SPAG17: variants seen among roughly 807,000 people sequenced by gnomAD.
SPAG17 encodes sperm associated antigen 17.
In SPAG17, 169 loss-of-function variants were observed where a neutral mutation model predicts 273.6. The observed-to-expected ratio is 0.62, with a 90% CI of 0.55 to 0.70. The LOEUF (loss-of-function observed/expected upper bound fraction) is 0.70, where lower values mean the gene tolerates loss of function less well. SPAG17 is among the 30% of genes least tolerant of loss of function. SPAG17 has a pLI of 0.00. For synonymous variants in SPAG17, 825 were observed against 873.2 expected, an observed-to-expected ratio of 0.94 and a Z score of 0.97; for missense variants, 2,557 against 2,627.8, an observed-to-expected ratio of 0.97 and a Z score of 0.59.
At chr1:118,061,394 G>A (rs1418019776) in intron 18 of SPAG17, among the ~76,000 whole-genome samples, 2 of 152,178 alleles carry the variant, frequency 1.3e-5, no homozygotes, top group East Asian at 1.9e-4. Flanking sequence ...TTTGTGACAT[G>A]TATAAACCTA....
At chr1:118,088,680 TA>T (rs201906522) in intron 10 of SPAG17, among the ~76,000 whole-genome samples, 3 of 150,744 alleles carry the variant, frequency 2.0e-5, no homozygotes, top group East Asian at 1.9e-4. Flanking sequence ...TAGGCAATTG[TA>T]AAAAAAAAGT....
chr1:118,028,123 C>T, intron 26 of SPAG17, 151 bp downstream of exon 26: 1 of 850,350 alleles, frequency 1.2e-6, no homozygotes, highest in Non-Finnish European at 1.8e-6. Flanking sequence ...TTAGACAGTG[C>T]CTGGCCATAG....
intron 13 of SPAG17, among the ~76,000 whole-genome samples, chr1:118,081,946 G>T (rs1231543044): frequency 6.6e-6 from 1 of 152,186 alleles, no homozygotes; most frequent in African/African-American, 2.4e-5. Context: ...GTACCATATT[G>T]GTTGAATATG....
At chr1:118,181,271 A>T (rs1407669532) in intron 1 of SPAG17, among the ~76,000 whole-genome samples, 1 of 152,122 alleles carries the variant, frequency 6.6e-6, no homozygotes, top group Admixed American at 6.5e-5. Context: ...TAGCAAAAGT[A>T]AGTCTTTTCA....
chr1:117,987,717 T>C, intron 40 of SPAG17, 117 bp downstream of exon 40: 1 of 984,498 alleles, frequency 1.0e-6, no homozygotes, highest in Non-Finnish European at 1.6e-6. Context: ...GTAGACATGT[T>C]GCAGAAGAGA....
rs778253377 is a variant in SPAG17 at position 118,073,840 on chromosome 1, C to G, written c.2385+14G>C. On this transcript the variant is annotated intron_variant, in intron 17 of 48. Coordinates refer to ENST00000336338, the MANE Select transcript of SPAG17 (RefSeq NM_206996.4). ...TATCTGACCGTCTCCTAGAGAATCA[C>G]AGTCCATAAATACCTGAAGCAGTAC... The G allele has an allele frequency of 1.3e-6, 2 of 1,548,996 alleles. No individual in the cohort carries two copies. Among genetic ancestry groups the G allele is most frequent in the South Asian group, 1.2e-5 (1 of 83,458 alleles).
intron 45 of SPAG17, 58 bp downstream of exon 45, chr1:117,971,805 G>T: frequency 6.8e-7 from 1 of 1,460,596 alleles, no homozygotes; most frequent in Non-Finnish European, 9.3e-7. Flanking sequence ...GGTGACCAAA[G>T]ACAAGTCACA....
chr1:118,098,951 A>G (rs774325802), intron 6 of SPAG17, among the ~76,000 whole-genome samples: 22 of 152,328 alleles, frequency 1.4e-4, no homozygotes, highest in South Asian at 6.2e-4. Context: ...GCAACAGCAT[A>G]TGGCAGAAAA....
chr1:118,020,750 G>A (rs142977797), intron 28 of SPAG17, among the ~76,000 whole-genome samples: 31 of 152,262 alleles, frequency 2.0e-4, no homozygotes, highest in Non-Finnish European at 2.6e-4. Flanking sequence ...TTGGCAAATT[G>A]TGGACTATGG....
chr1:118,052,680 A>G (rs1651194834), intron 20 of SPAG17, among the ~76,000 whole-genome samples: 1 of 152,014 alleles, frequency 6.6e-6, no homozygotes, highest in Non-Finnish European at 1.5e-5. Context: ...ATTTTTTCTC[A>G]GTTAAAAAAT....
At chr1:118,116,029 G>T (rs1204922619) in intron 3 of SPAG17, among the ~76,000 whole-genome samples, 1 of 152,144 alleles carries the variant, frequency 6.6e-6, no homozygotes, top group Non-Finnish European at 1.5e-5. Flanking sequence ...GTGAAATAAG[G>T]TTATTGAGTT....
chr1:117,994,162 C>T (rs1171586445), intron 35 of SPAG17, among the ~76,000 whole-genome samples: 3 of 152,236 alleles, frequency 2.0e-5, no homozygotes, highest in East Asian at 3.9e-4. Flanking sequence ...GGAAGATGTT[C>T]AAGCCTGCAA....
intron 7 of SPAG17, among the ~76,000 whole-genome samples, chr1:118,095,288 G>T (rs1655635153): frequency 6.6e-6 from 1 of 152,182 alleles, no homozygotes; most frequent in African/African-American, 2.4e-5. Flanking sequence ...ATGTTCTGAT[G>T]ATGCAATGGA....
intron 16 of SPAG17, among the ~76,000 whole-genome samples, 165 bp downstream of exon 16, chr1:118,074,374 G>A (rs996869227): frequency 6.6e-6 from 1 of 152,170 alleles, no homozygotes; most frequent in Non-Finnish European, 1.5e-5. Context: ...ACTCCTTTCT[G>A]TCCAGTTGGA....
In SPAG17 at chr1:118,101,838, T is replaced by C. The variant is rs1656088783; in HGVS notation, c.536A>G (p.Lys179Arg). The change falls in exon 5 of 49, where the codon AAA becomes AGA. Residue 179 changes from lysine to arginine, a missense_variant. Coordinates refer to ENST00000336338, the MANE Select transcript of SPAG17 (RefSeq NM_206996.4). ...EKKAPSAKPA[K>R]GKGKDQPEAN... The stretch of plus-strand genomic sequence containing the variant: ...CTCAGGCTGATCCTTTCCCTTTCCT[T>C]TGGCAGGCTTGGCACTTGGAGCCTT... The C allele has an allele frequency of 6.2e-7, 1 of 1,614,050 alleles. No individual in the cohort carries two copies. Among genetic ancestry groups the C allele is most frequent in the African/African-American group, 1.3e-5 (1 of 75,026 alleles).
intron 18 of SPAG17, among the ~76,000 whole-genome samples, chr1:118,061,596 T>C (rs373614434): frequency 8.5e-5 from 13 of 152,308 alleles, no homozygotes; most frequent in African/African-American, 2.9e-4. Flanking sequence ...CACTTGAAGA[T>C]ATGTTAAAAG....
At chr1:118,031,629 T>C in intron 25 of SPAG17, 63 bp downstream of exon 25, 1 of 1,538,536 alleles carries the variant, frequency 6.5e-7, no homozygotes, top group South Asian at 1.2e-5. Context: ...TAAGTCATGG[T>C]TTTAAAAAAG....
intron 28 of SPAG17, among the ~76,000 whole-genome samples, chr1:118,022,138 T>G (rs1477258753): frequency 6.6e-6 from 1 of 152,110 alleles, no homozygotes; most frequent in African/African-American, 2.4e-5. Flanking sequence ...CAGCGTAATT[T>G]AGGGGTTAGG....
chr1:117,970,995 G>A (rs1654485514), intron 45 of SPAG17, among the ~76,000 whole-genome samples: 1 of 151,974 alleles, frequency 6.6e-6, no homozygotes, highest in Non-Finnish European at 1.5e-5. Context: ...CTGGGGATTT[G>A]CCTCAACTGA....
Sources: gnomAD v4.1 joint callset for allele counts (sites outside exome capture counted in the v4.1 genomes callset) on GRCh38, gnomAD v4.1.1 for gene constraint, MANE v1.5 for transcripts, NCBI Gene and HGNC (gene_info 2026-07-23, HGNC 2026-07-21) for gene names.